BHMT: variants seen among roughly 807,000 people sequenced by gnomAD.
BHMT encodes betaine--homocysteine S-methyltransferase, also known as betaine--homocysteine S-methyltransferase 1.
In BHMT, 38 loss-of-function variants were observed where a neutral mutation model predicts 49.5. That is an observed-to-expected ratio of 0.77 (90% confidence interval 0.59 to 1.01). The LOEUF (loss-of-function observed/expected upper bound fraction) is 1.01. Ranked by LOEUF, BHMT falls within the 50% of genes least tolerant of loss-of-function variation. BHMT has a pLI of 0.00. For synonymous variants in BHMT, 166 were observed against 176.3 expected, an observed-to-expected ratio of 0.94 and a Z score of 0.46; for missense variants, 426 against 495.7, an observed-to-expected ratio of 0.86 and a Z score of 1.34.
At chr5:79,121,740 G>T (rs1372671921) in intron 5 of BHMT, among the ~76,000 whole-genome samples, 3 of 150,802 alleles carry the variant, frequency 2.0e-5, no homozygotes, top group African/African-American at 7.3e-5. Flanking sequence ...GCGTGAACCC[G>T]GGAGGCGGAG....
intron 3 of BHMT, chr5:79,119,719 A>G (rs1756439164): frequency 1.0e-5 from 2 of 200,564 alleles, no homozygotes; most frequent in South Asian, 1.9e-4. Context: ...TAGGCATAAT[A>G]AATCAGTAAA....
intron 7 of BHMT, among the ~76,000 whole-genome samples, chr5:79,129,491 A>G (rs1448648586): frequency 6.6e-6 from 1 of 152,202 alleles, no homozygotes; most frequent in East Asian, 1.9e-4. Flanking sequence ...GACACCTCCC[A>G]GGAGGAGGAG....
Position 79,130,983 on chromosome 5 carries a change from A to G in BHMT, c.1088A>G (p.Tyr363Cys). 1 of 1,614,052 alleles carries G rather than the reference A, an allele frequency of 6.2e-7. No homozygotes were observed. The highest frequency in any genetic ancestry group is 1.1e-5 in the South Asian group (1 of 91,054). Residue 363 changes from tyrosine (Y) to cysteine (C), a missense_variant, in exon 8 of 8, where the codon TAC becomes TGC. Around this residue, in one of 3 missense-constraint regions of BHMT, gnomAD observed 73 missense variants for 68.3 expected, o/e 1.07. Transcript: ENST00000274353. ...CTTCGGATAGCCTCAGGCCGGCCAT[A>G]CAACCCTTCAATGTCAAAGCCAGAT... ...ENLRIASGRP[Y>C]NPSMSKPDGW...
intron 7 of BHMT, among the ~76,000 whole-genome samples, chr5:79,128,830 A>C (rs1756594401): frequency 1.3e-5 from 2 of 152,180 alleles, no homozygotes; most frequent in Admixed American, 1.3e-4. Context: ...AGGCACTGGG[A>C]AGGGCAGTAG....
intron 5 of BHMT, among the ~76,000 whole-genome samples, chr5:79,122,317 G>A (rs905962793): frequency 1.3e-5 from 2 of 152,104 alleles, no homozygotes; most frequent in African/African-American, 4.8e-5. Context: ...CCAAGAAGGT[G>A]ATGTGGTGAA....
At chr5:79,128,599 C>G (rs1165023683) in intron 7 of BHMT, among the ~76,000 whole-genome samples, 2 of 151,124 alleles carry the variant, frequency 1.3e-5, no homozygotes, top group African/African-American at 2.4e-5. Context: ...ATTTTGTGCT[C>G]TAGTAAAGCA....
At chr5:79,120,979 C>G (rs1198116409) in intron 4 of BHMT, among the ~76,000 whole-genome samples, 3 of 151,986 alleles carry the variant, frequency 2.0e-5, no homozygotes, top group Non-Finnish European at 4.4e-5. Context: ...GGTGAAACCC[C>G]GTCTCTACTA....
intron 3 of BHMT, among the ~76,000 whole-genome samples, chr5:79,119,841 G>A (rs866377556): frequency 6.6e-6 from 1 of 152,084 alleles, no homozygotes; most frequent in Admixed American, 6.6e-5. Flanking sequence ...GCTAGGTTTG[G>A]GGAGCTTTTT....
chr5:79,111,995 G>A, intron 1 of BHMT, 77 bp downstream of exon 1: 2 of 1,443,470 alleles, frequency 1.4e-6, no homozygotes, highest in Non-Finnish European at 1.8e-6. Flanking sequence ...GGAGCGCAGA[G>A]GGGCCCTCGG....
intron 5 of BHMT, among the ~76,000 whole-genome samples, chr5:79,122,193 G>C (rs1053545694): frequency 1.3e-5 from 2 of 151,942 alleles, no homozygotes; most frequent in Non-Finnish European, 2.9e-5. Context: ...CACCCGCCTC[G>C]GCCTCCCAAA....
intron 1 of BHMT, among the ~76,000 whole-genome samples, chr5:79,115,405 A>G (rs868263011): frequency 2.6e-5 from 4 of 151,768 alleles, no homozygotes; most frequent in Non-Finnish European, 4.4e-5. Flanking sequence ...AGTATTTACC[A>G]TTTTAAGAAT....
At chr5:79,124,973 G>GAACT (rs1017180743) in intron 5 of BHMT, among the ~76,000 whole-genome samples, 3 of 152,136 alleles carry the variant, frequency 2.0e-5, no homozygotes, top group Non-Finnish European at 4.4e-5. Context: ...GAAGGCTAAT[G>GAACT]AACTTATTAA....
At chr5:79,116,575 C>A (rs956623408) in intron 2 of BHMT, among the ~76,000 whole-genome samples, 5 of 152,116 alleles carry the variant, frequency 3.3e-5, no homozygotes, top group African/African-American at 4.8e-5. Context: ...ATTTTGCCCC[C>A]AAATGGTTTT....
Position 79,131,231 on chromosome 5 carries a change from T to C in BHMT, c.*115T>C, listed in dbSNP as rs1169908211. The C allele has an allele frequency of 1.0e-6, 1 of 1,000,064 alleles. No homozygotes were observed. The highest frequency in any genetic ancestry group is 1.8e-5 in the South Asian group (1 of 54,450). 61.9% of individuals were successfully genotyped at this position (1,000,064 alleles called of 1,614,324 possible). A position where few individuals can be genotyped will look rare whatever the true frequency, so the allele number is the denominator to read the frequency against. ...CATGAATGCCATCCTACACATATTA[T>C]TGCTATTACCTGAACAAAATAGAAT... is the stretch of plus-strand genomic sequence containing the variant. On this transcript the variant is annotated 3_prime_UTR_variant, in exon 8 of 8. Transcript: ENST00000274353.
chr5:79,118,812 TC>T (rs1357124864), intron 2 of BHMT, among the ~76,000 whole-genome samples: 2 of 152,182 alleles, frequency 1.3e-5, no homozygotes, highest in Non-Finnish European at 2.9e-5. Flanking sequence ...TGATTCCTCA[TC>T]TTTGGACCTC....
intron 7 of BHMT, among the ~76,000 whole-genome samples, chr5:79,129,722 TGA>T (rs1027160854): frequency 1.3e-5 from 2 of 151,642 alleles, no homozygotes; most frequent in African/African-American, 2.4e-5. Flanking sequence ...GCCTGCAGAG[TGA>T]GAGGTGCAGA....
intron 5 of BHMT, among the ~76,000 whole-genome samples, chr5:79,125,095 T>C (rs762139778): frequency 1.3e-5 from 2 of 152,318 alleles, no homozygotes; most frequent in South Asian, 2.1e-4. Context: ...TGCAACATAA[T>C]GTCCAACGTT....
chr5:79,112,011 G>A, intron 1 of BHMT, 93 bp downstream of exon 1: 3 of 1,350,600 alleles, frequency 2.2e-6, no homozygotes, highest in Non-Finnish European at 3.0e-6. Context: ...CTCGGACCCT[G>A]CCTGGTACCC....
intron 6 of BHMT, among the ~76,000 whole-genome samples, chr5:79,127,209 G>T (rs1756566412): frequency 2.0e-5 from 3 of 152,198 alleles, no homozygotes; most frequent in Non-Finnish European, 4.4e-5. Context: ...CTGAAGGCCT[G>T]TTGGGAGCTG....
Sources: allele counts gnomAD v4.1 joint callset (sites outside exome capture counted in the v4.1 genomes callset), GRCh38; gene constraint gnomAD v4.1.1; regional missense constraint gnomAD v4.1.1; transcripts MANE v1.5; gene names NCBI Gene and HGNC (gene_info 2026-07-23, HGNC 2026-07-21).